Variants in ARMC2 observed in about 807,000 individuals in gnomAD.
The protein encoded by ARMC2 is armadillo repeat-containing protein 2.
A neutral mutation model predicts 90.3 loss-of-function variants in ARMC2; 67 were observed. That is an observed-to-expected ratio of 0.74 (90% CI 0.61 to 0.91). The LOEUF (loss-of-function observed/expected upper bound fraction) is 0.91. ARMC2 is among the 40% of genes least tolerant of loss of function. The probability of loss-of-function intolerance (pLI) is 0.00; values close to 1 mark genes in which losing one functional copy is unlikely to be tolerated. For synonymous variants in ARMC2, 393 were observed against 393.0 expected, an observed-to-expected ratio of 1.00 and a Z score of 0.00; for missense variants, 920 against 1,030.9, an observed-to-expected ratio of 0.89 and a Z score of 1.47.
rs146645926 is a variant in ARMC2, at chr6:108,957,971, C to T, written c.1916-3601C>T. ...GTGGAAAGAGTAGGATAGTAGGGGTCAAGTACACCTGGATTTAGATGTGTG... is the reference window on the plus strand; with the variant it reads ...GTGGAAAGAGTAGGATAGTAGGGGTTAAGTACACCTGGATTTAGATGTGTG... On this transcript the variant is annotated intron_variant, in intron 13 of 17. Transcript: ENST00000392644. Among the ~76,000 whole-genome samples the T allele has an allele frequency of 1.4e-4, 22 of 152,260 alleles. No homozygotes were observed. The East Asian group carries it at 3.9e-3, about 27-fold the overall frequency.
At chr6:108,977,919 A>G (rs1361070672), downstream of ARMC2, among the ~76,000 whole-genome samples, 1 of 151,930 alleles carries the variant, frequency 6.6e-6, no homozygotes, top group African/African-American at 2.4e-5. Flanking sequence ...CTAGTGGTCT[A>G]TTTATTTTGT....
chr6:108,917,644 A>T (rs1482229614), intron 10 of ARMC2, among the ~76,000 whole-genome samples: 16 of 152,060 alleles, frequency 1.1e-4, no homozygotes, highest in South Asian at 4.1e-4. Context: ...TTTATTTTTT[A>T]AATTTTAATA....
At chr6:108,910,085 A>G (rs1386113052) in intron 8 of ARMC2, among the ~76,000 whole-genome samples, 1 of 152,050 alleles carries the variant, frequency 6.6e-6, no homozygotes, top group Non-Finnish European at 1.5e-5. Context: ...TTTTAATGCA[A>G]TTACTCTAAT....
intron 5 of ARMC2, among the ~76,000 whole-genome samples, chr6:108,883,614 C>T (rs1252071660): frequency 1.3e-5 from 2 of 152,144 alleles, no homozygotes; most frequent in Non-Finnish European, 2.9e-5. Flanking sequence ...ATAATGATTT[C>T]AGCATCCTAA....
chr6:109,016,515 T>C, the ARMC2 span, among the ~76,000 whole-genome samples: 2 of 152,166 alleles, frequency 1.3e-5, no homozygotes. Flanking sequence ...TGAGCACAAG[T>C]ACAAGGCCAA....
At chr6:108,909,814 G>T (rs987302903) in intron 8 of ARMC2, among the ~76,000 whole-genome samples, 1 of 152,168 alleles carries the variant, frequency 6.6e-6, no homozygotes, top group South Asian at 2.1e-4. Flanking sequence ...GATTATAGAC[G>T]TGGGCTACTG....
At chr6:108,958,122 A>C (rs1777723696) in intron 13 of ARMC2, among the ~76,000 whole-genome samples, 1 of 152,082 alleles carries the variant, frequency 6.6e-6, no homozygotes, top group Non-Finnish European at 1.5e-5. Flanking sequence ...TTGGGAGATA[A>C]TTAGGTTTAG....
At chr6:108,849,409 A>C (rs1245364669) in intron 1 of ARMC2, among the ~76,000 whole-genome samples, 1 of 152,218 alleles carries the variant, frequency 6.6e-6, no homozygotes, top group Non-Finnish European at 1.5e-5. Flanking sequence ...CCACCTTTTA[A>C]AAGGAGAAGT....
Position 108,904,408 on chromosome 6 carries a change from A to C in ARMC2, c.1023+3A>C. On this transcript the variant is annotated splice_donor_region_variant and intron_variant, in intron 8 of 17. Transcript: ENST00000392644. ...AACTTGCAAAAATAATTCTAGCAGT[A>C]AGTTTTTCTTTCCTCTGGTCTAGTA... The C allele has an allele frequency of 6.3e-7, 1 of 1,599,308 alleles. No homozygotes were observed. The highest frequency in any genetic ancestry group is 8.5e-7 in the Non-Finnish European group (1 of 1,175,254).
rs76847653 is a variant in ARMC2 at position 108,872,766 on chromosome 6, T to C, written c.464-3377T>C. 4.2e-3 allele frequency among the ~76,000 whole-genome samples: 640 copies of C among 152,360 alleles called. 3 individuals carry two copies. The highest frequency in any genetic ancestry group is 0.014 in the African/African-American group (600 of 41,582). ...CTTGCTGAAAACCCTTCAGAGGCCC[T>C]GTTGTGCCTACAGAAGTGTTTGCCA... is the stretch of plus-strand genomic sequence containing the variant. On this transcript the variant is annotated intron_variant, in intron 4 of 17. Coordinates refer to ENST00000392644, the MANE Select transcript of ARMC2 (RefSeq NM_032131.6).
chr6:108,929,519 G>C lies in ARMC2; in HGVS notation c.1496+1286G>C, dbSNP rs116282548. ...AGATGGGGTCTCGCTTTGTCACCCA[G>C]GCTGGAGTGCAGTGGGCACAAACAT... On this transcript the variant is annotated intron_variant, in intron 11 of 17. Coordinates refer to ENST00000392644, the MANE Select transcript of ARMC2 (RefSeq NM_032131.6). 7.3e-3 allele frequency among the ~76,000 whole-genome samples: 1,107 copies of C among 152,226 alleles called. 13 individuals carry two copies. The highest frequency in any genetic ancestry group is 0.026 in the African/African-American group (1,082 of 41,534).
chr6:108,944,557 C>G (rs1201952105), intron 12 of ARMC2, among the ~76,000 whole-genome samples: 1 of 152,188 alleles, frequency 6.6e-6, no homozygotes, highest in Non-Finnish European at 1.5e-5. Context: ...GTTGGCTAGA[C>G]AAGCTGCGAG....
chr6:108,889,818 C>T lies in ARMC2; in HGVS notation c.672-4649C>T, dbSNP rs141319822. 4.3e-4 allele frequency among the ~76,000 whole-genome samples: 66 copies of T among 151,920 alleles called. 1 individual carries two copies. The highest frequency in any genetic ancestry group is 1.5e-3 in the African/African-American group (61 of 41,292). On this transcript the variant is annotated intron_variant, in intron 5 of 17. Transcript: ENST00000392644. ...TCACTAATCACTTCCTTCTTAGCAC[C>T]CTCTAGTTCTTACAATCTGTTGAAT...
the ARMC2 span, chr6:109,002,257 G>C: frequency 6.2e-7 from 1 of 1,605,488 alleles, no homozygotes; most frequent in Non-Finnish European, 8.5e-7. Context: ...AGTTCACTAT[G>C]TACTTTCACA....
chr6:108,903,683 A>T (rs1772382786), intron 7 of ARMC2, among the ~76,000 whole-genome samples: 1 of 152,206 alleles, frequency 6.6e-6, no homozygotes, highest in African/African-American at 2.4e-5. Flanking sequence ...CATATAACAC[A>T]ACACACACAT....
At chr6:109,003,253 C>T in the ARMC2 span, among the ~76,000 whole-genome samples, 1 of 151,174 alleles carries the variant, frequency 6.6e-6, no homozygotes, top group African/African-American at 2.4e-5. Context: ...TTAACCCCTT[C>T]ACTCATATAT....
the ARMC2 span, among the ~76,000 whole-genome samples, chr6:109,034,110 C>T: frequency 6.6e-6 from 1 of 152,174 alleles, no homozygotes; most frequent in Non-Finnish European, 1.5e-5. Context: ...AGTTGTGGGA[C>T]CTACCTAGTA....
chr6:108,862,978 C>T (rs1275766796), intron 3 of ARMC2, among the ~76,000 whole-genome samples: 1 of 152,156 alleles, frequency 6.6e-6, no homozygotes, highest in African/African-American at 2.4e-5. Context: ...CCCACTCACC[C>T]TCCAGCGGGC....
intron 10 of ARMC2, among the ~76,000 whole-genome samples, chr6:108,914,643 T>G (rs1773771306): frequency 6.6e-6 from 1 of 152,244 alleles, no homozygotes. Flanking sequence ...TCACTGTTTG[T>G]GTGTTTACAG....
Sources: gnomAD v4.1 joint callset for allele counts (sites outside exome capture counted in the v4.1 genomes callset) on GRCh38, gnomAD v4.1.1 for gene constraint, MANE v1.5 for transcripts, NCBI Gene and HGNC (gene_info 2026-07-23, HGNC 2026-07-21) for gene names.